Variants in CELF2 observed in about 807,000 individuals in gnomAD.
CELF2 encodes the protein CUG triplet repeat RNA-binding protein 2.
A neutral mutation model predicts 62.6 loss-of-function variants in CELF2; 8 were observed. That is an observed-to-expected ratio of 0.13 (90% confidence interval 0.07 to 0.23). CELF2 has a LOEUF of 0.23. Ranked by LOEUF, CELF2 falls within the 10% of genes least tolerant of loss-of-function variation. The pLI, the probability that CELF2 is intolerant of heterozygous loss-of-function variation, is 1.00. For missense variants in CELF2, 333 were observed against 671.0 expected (o/e 0.50, Z 5.56); for synonymous variants, 258 against 250.0 (o/e 1.03, Z -0.30).
chr10:11,314,127 T>C lies in CELF2; in HGVS notation c.977-12T>C. The C allele has an allele frequency of 6.8e-7, 1 of 1,462,984 alleles. No individual in the cohort carries two copies. The highest frequency in any genetic ancestry group is 1.2e-5 in the South Asian group (1 of 86,152). The allele number at this position is 1,462,984 out of a possible 1,614,324, so 90.6% of individuals were successfully genotyped here. On this transcript the variant is annotated splice_polypyrimidine_tract_variant and intron_variant, in intron 9 of 12. Coordinates refer to ENST00000633077, the MANE Select transcript of CELF2 (RefSeq NM_001326342.2). The surrounding 1 kb of genome is among the most constrained non-coding windows in gnomAD (Gnocchi z 5.3). ...GTCTTCTCTCCCCTTGTCTCTGTTT[T>C]CCTTTTTTCAGTGGCTGCTTCAACC...
chr10:10,857,744 A>C (rs1043505037), intron 1 of CELF2, among the ~76,000 whole-genome samples: 14 of 149,116 alleles, frequency 9.4e-5, no homozygotes, highest in African/African-American at 3.4e-4. Flanking sequence ...ATCCATAGCC[A>C]AAAGAAAAAT....
At chr10:11,308,661 T>G (rs1465661041) in intron 9 of CELF2, among the ~76,000 whole-genome samples, 1 of 152,252 alleles carries the variant, frequency 6.6e-6, no homozygotes, top group Non-Finnish European at 1.5e-5. Context: ...GTCACATTTA[T>G]TTATTAATTA....
At chr10:10,982,909 T>G (rs1005020763) in intron 2 of CELF2, among the ~76,000 whole-genome samples, 1 of 151,324 alleles carries the variant, frequency 6.6e-6, no homozygotes, top group Non-Finnish European at 1.5e-5. Context: ...GGTGTGTGTT[T>G]TTTTTTTTTA....
At chr10:11,202,401 G>A (rs775473566) in intron 2 of CELF2, among the ~76,000 whole-genome samples, 2 of 152,174 alleles carry the variant, frequency 1.3e-5, no homozygotes, top group African/African-American at 2.4e-5. Context: ...AGTTGTCCCC[G>A]ATGGTTTCGG....
At chr10:11,123,997 A>G (rs2058236172) in intron 1 of CELF2, among the ~76,000 whole-genome samples, 1 of 152,192 alleles carries the variant, frequency 6.6e-6, no homozygotes, top group South Asian at 2.1e-4. Flanking sequence ...CAAGGCTGAA[A>G]GTGAATGAGG....
intron 8 of CELF2, among the ~76,000 whole-genome samples, chr10:11,276,496 G>C (rs2086176410): frequency 6.6e-6 from 1 of 152,228 alleles, no homozygotes. Context: ...TTCTATGAAA[G>C]GAGCTGGAGA....
intron 1 of CELF2, among the ~76,000 whole-genome samples, chr10:11,127,737 G>T (rs1020200580): frequency 1.3e-5 from 2 of 151,774 alleles, no homozygotes; most frequent in African/African-American, 4.8e-5. Context: ...TTTTTGGTGG[G>T]GTTTTTTCTT....
chr10:11,308,303 A>G (rs2094373741), intron 9 of CELF2, among the ~76,000 whole-genome samples: 3 of 152,122 alleles, frequency 2.0e-5, no homozygotes, highest in African/African-American at 7.2e-5. Context: ...ATTGTCTTTC[A>G]TCAGATTTGG....
intron 8 of CELF2, among the ~76,000 whole-genome samples, chr10:11,276,233 C>A (rs979996034): frequency 6.6e-6 from 1 of 152,086 alleles, no homozygotes; most frequent in African/African-American, 2.4e-5. Context: ...GCAGCCCCGC[C>A]GTTGTGGCCC....
intron 1 of CELF2, among the ~76,000 whole-genome samples, chr10:11,049,815 T>G (rs1428849887): frequency 6.6e-6 from 1 of 152,114 alleles, no homozygotes; most frequent in Non-Finnish European, 1.5e-5. Flanking sequence ...GTGACAGTGC[T>G]TACAAAACAC....
intron 2 of CELF2, among the ~76,000 whole-genome samples, chr10:11,187,441 G>A (rs1298216511): frequency 6.6e-6 from 1 of 152,124 alleles, no homozygotes; most frequent in African/African-American, 2.4e-5. Context: ...ATTGTACACA[G>A]CAGGTAGTCG....
intron 3 of CELF2, among the ~76,000 whole-genome samples, chr10:11,231,846 A>G (rs2068801682): frequency 6.6e-6 from 1 of 151,798 alleles, no homozygotes; most frequent in Non-Finnish European, 1.5e-5. Context: ...TTTTACCTGC[A>G]GTGCACTCAA....
At chr10:10,522,025 C>T in the CELF2 span, among the ~76,000 whole-genome samples, 2,456 of 152,256 alleles carry the variant, frequency 0.016, 76 homozygotes, top group African/African-American at 0.056. Context: ...GGTTTCAAGA[C>T]GTGGCATCTC....
the CELF2 span, among the ~76,000 whole-genome samples, chr10:10,469,522 CCTT>C: frequency 2.0e-5 from 3 of 151,786 alleles, no homozygotes; most frequent in East Asian, 1.9e-4. Flanking sequence ...AGAGCATTGT[CCTT>C]CTATGAACTG....
intron 2 of CELF2, among the ~76,000 whole-genome samples, chr10:10,927,798 G>A (rs550446461): frequency 2.0e-5 from 3 of 152,186 alleles, no homozygotes; most frequent in African/African-American, 7.2e-5. Context: ...CACCTGAACT[G>A]TTAAATGGCC....
intron 1 of CELF2, among the ~76,000 whole-genome samples, chr10:10,903,592 C>T (rs12241955): frequency 0.054 from 8,214 of 152,172 alleles, 477 homozygotes; most frequent in African/African-American, 0.14. Flanking sequence ...AAATTGACTC[C>T]GTACATATTT....
At chr10:11,025,253 CTG>C (rs542424435) in intron 1 of CELF2, among the ~76,000 whole-genome samples, 138 of 38,114 alleles carry the variant, frequency 3.6e-3, no homozygotes, top group African/African-American at 6.3e-3. Context: ...ATGTATGTGA[CTG>C]TATATCTGGA....
At chr10:11,205,757 G>A (rs77674567) in intron 2 of CELF2, among the ~76,000 whole-genome samples, 4,985 of 152,302 alleles carry the variant, frequency 0.033, 154 homozygotes, top group African/African-American at 0.08. Flanking sequence ...GTTCCAGGCA[G>A]TATGGAGAAA....
At chr10:11,205,267 C>T (rs879525379) in intron 2 of CELF2, among the ~76,000 whole-genome samples, 19 of 152,160 alleles carry the variant, frequency 1.2e-4, no homozygotes, top group Non-Finnish European at 2.6e-4. Flanking sequence ...ACAGCGGCAG[C>T]GCAGCCTGCG....
Sources: gnomAD v4.1 joint callset for allele counts (sites outside exome capture counted in the v4.1 genomes callset) on GRCh38, gnomAD v4.1.1 for gene constraint, Gnocchi (gnomAD v3.1) non-coding constraint, MANE v1.5 for transcripts, NCBI Gene and HGNC (gene_info 2026-07-23, HGNC 2026-07-21) for gene names.